The following DPY19L1 variants were observed in gnomAD, a reference collection of about 807,000 sequenced individuals.
The protein encoded by DPY19L1 is dpy-19 like C-mannosyltransferase 1, also known as protein C-mannosyl-transferase DPY19L1.
Under a neutral mutation model 96.9 loss-of-function variants are expected in DPY19L1, and 35 were observed. That is an observed-to-expected ratio of 0.36 (90% CI 0.28 to 0.48). The LOEUF (loss-of-function observed/expected upper bound fraction) is 0.48. Among genes scored for constraint, DPY19L1 ranks in the 20% least tolerant of loss-of-function variants. The pLI, the probability that DPY19L1 is intolerant of heterozygous loss-of-function variation, is 0.99. For missense variants in DPY19L1, 521 were observed against 777.9 expected (o/e 0.67, Z 3.93); for synonymous variants, 205 against 252.6 (o/e 0.81, Z 1.79).
At chr7:34,940,961 T>C (rs952095856) in intron 18 of DPY19L1, 2 of 152,818 alleles carry the variant, frequency 1.3e-5, no homozygotes, top group African/African-American at 4.8e-5. Context: ...TACAACATAC[T>C]GATTGGGAAC....
intron 3 of DPY19L1, among the ~76,000 whole-genome samples, chr7:35,014,315 T>C (rs764169121): frequency 5.3e-5 from 8 of 151,384 alleles, no homozygotes; most frequent in Non-Finnish European, 1.0e-4. Flanking sequence ...GGGTGGGGAG[T>C]GGTCCTCTTT....
intron 6 of DPY19L1, among the ~76,000 whole-genome samples, chr7:35,003,266 A>G (rs951776302): frequency 2.0e-5 from 3 of 152,182 alleles, no homozygotes; most frequent in African/African-American, 7.2e-5. Flanking sequence ...AAACAGGATA[A>G]GGGCACAGGG....
At chr7:34,955,265 T>C (rs1340707803) in intron 12 of DPY19L1, 43 bp downstream of exon 12, 5 of 1,549,844 alleles carry the variant, frequency 3.2e-6, no homozygotes, top group Non-Finnish European at 3.5e-6. Context: ...TGATATATTT[T>C]AGAGAAGAAA....
intron 17 of DPY19L1, 67 bp downstream of exon 17, chr7:34,942,548 T>C: frequency 2.3e-6 from 3 of 1,293,678 alleles, no homozygotes; most frequent in Non-Finnish European, 3.3e-6. Context: ...AAACTGGAAC[T>C]AGAAAGGAAA....
chr7:34,971,116 C>T (rs945220490), intron 8 of DPY19L1, among the ~76,000 whole-genome samples: 33 of 152,050 alleles, frequency 2.2e-4, no homozygotes, highest in African/African-American at 8.0e-4. Flanking sequence ...CACCCACCAC[C>T]TCCCTCTAAT....
intron 1 of DPY19L1, among the ~76,000 whole-genome samples, 192 bp downstream of exon 1, chr7:35,036,905 G>A (rs1368122316): frequency 2.0e-5 from 3 of 151,654 alleles, no homozygotes; most frequent in Non-Finnish European, 4.4e-5. Flanking sequence ...GAGCCAGGGA[G>A]TTGCGGGGAG....
intron 7 of DPY19L1, among the ~76,000 whole-genome samples, chr7:34,987,232 T>C (rs1785069333): frequency 6.6e-6 from 1 of 152,062 alleles, no homozygotes; most frequent in African/African-American, 2.4e-5. Flanking sequence ...CAATTGTGAC[T>C]GAATGAAATT....
intron 7 of DPY19L1, among the ~76,000 whole-genome samples, chr7:34,976,265 G>A (rs1584231782): frequency 6.6e-6 from 1 of 152,304 alleles, no homozygotes; most frequent in Non-Finnish European, 1.5e-5. Flanking sequence ...ACCCTCATGG[G>A]AGACTTAGAT....
intron 7 of DPY19L1, chr7:34,988,040 C>A (rs1385403283): frequency 6.6e-6 from 1 of 151,968 alleles, no homozygotes; most frequent in Non-Finnish European, 1.5e-5. Context: ...ATCAAAAAGA[C>A]AATTCATCAG....
chr7:34,943,988 A>G (rs1784081979), intron 16 of DPY19L1, among the ~76,000 whole-genome samples: 2 of 152,172 alleles, frequency 1.3e-5, no homozygotes, highest in South Asian at 4.1e-4. Flanking sequence ...TTCTCTCAGG[A>G]GTATGTGCAA....
intron 1 of DPY19L1, 51 bp downstream of exon 1, chr7:35,037,046 C>G (rs1584269812): frequency 4.7e-6 from 1 of 214,014 alleles, no homozygotes; most frequent in Non-Finnish European, 9.3e-6. Context: ...GGGAGGGGGC[C>G]AGCGCCTCAA....
At chr7:35,024,624 T>G (rs781594860) in intron 1 of DPY19L1, among the ~76,000 whole-genome samples, 1 of 152,140 alleles carries the variant, frequency 6.6e-6, no homozygotes, top group Non-Finnish European at 1.5e-5. Context: ...CACACACCCT[T>G]CATTCTAGAT....
At chr7:34,951,941 C>G (rs569319153) in intron 13 of DPY19L1, among the ~76,000 whole-genome samples, 1 of 151,520 alleles carries the variant, frequency 6.6e-6, no homozygotes, top group Non-Finnish European at 1.5e-5. Flanking sequence ...AACACCAACA[C>G]TGGCACAAAA....
intron 1 of DPY19L1, among the ~76,000 whole-genome samples, chr7:35,021,501 T>C (rs570059734): frequency 6.6e-6 from 1 of 152,332 alleles, no homozygotes; most frequent in East Asian, 1.9e-4. Context: ...GTAACAATGA[T>C]GAGAGCAATG....
intron 1 of DPY19L1, among the ~76,000 whole-genome samples, chr7:35,035,875 T>C (rs771221390): frequency 1.3e-5 from 2 of 150,824 alleles, no homozygotes; most frequent in East Asian, 2.0e-4. Flanking sequence ...CTAACCTGCA[T>C]ACTAGCCAGC....
chr7:34,948,254 C>T (rs1192413301), intron 14 of DPY19L1, among the ~76,000 whole-genome samples: 3 of 152,108 alleles, frequency 2.0e-5, no homozygotes, highest in Non-Finnish European at 4.4e-5. Flanking sequence ...ACCCAAAAAA[C>T]CACTGTTAAA....
In DPY19L1 at chr7:34,930,868, A is replaced by G. The variant is rs1166373056; in HGVS notation, c.*705T>C. On this transcript the variant is annotated 3_prime_UTR_variant, in exon 22 of 22. Coordinates refer to ENST00000638088, the MANE Select transcript of DPY19L1 (RefSeq NM_001366673.1). ...AAACAGTACTTATTTGACAGAAAAT[A>G]TGGGGAAGAGGAGAAGAGAGAGAGC... is the stretch of plus-strand genomic sequence containing the variant. The G allele has an allele frequency of 6.6e-6, 1 of 152,146 alleles. No homozygotes were observed. Among genetic ancestry groups the G allele is most frequent in the Non-Finnish European group, 1.5e-5 (1 of 68,024 alleles). The allele number at this position is 152,146 out of a possible 1,614,324, so 9.4% of individuals were successfully genotyped here.
At chr7:34,989,826 T>A in intron 7 of DPY19L1, 58 bp downstream of exon 7, 1 of 1,403,718 alleles carries the variant, frequency 7.1e-7, no homozygotes, top group Non-Finnish European at 9.7e-7. Flanking sequence ...TAGATTAAAT[T>A]TAAAGAAGAA....
intron 6 of DPY19L1, among the ~76,000 whole-genome samples, chr7:35,001,993 T>C (rs2077850532): frequency 6.6e-6 from 1 of 151,186 alleles, no homozygotes; most frequent in Non-Finnish European, 1.5e-5. Context: ...GGTGTGGTGG[T>C]GCGTGCCTGT....
Sources: gnomAD v4.1 joint callset for allele counts (sites outside exome capture counted in the v4.1 genomes callset) on GRCh38, gnomAD v4.1.1 for gene constraint, MANE v1.5 for transcripts, NCBI Gene and HGNC (gene_info 2026-07-23, HGNC 2026-07-21) for gene names.